The following ATP8A1 variants were observed in gnomAD, a reference collection of about 807,000 sequenced individuals.
ATP8A1 encodes the protein ATPase phospholipid transporting 8A1.
In ATP8A1, 90 loss-of-function variants were observed where a neutral mutation model predicts 177.7. That is an observed-to-expected ratio of 0.51 (90% confidence interval 0.43 to 0.60). ATP8A1 has a LOEUF of 0.60. Among genes scored for constraint, ATP8A1 ranks in the 20% least tolerant of loss-of-function variants. ATP8A1 has a pLI of 0.00. For synonymous variants in ATP8A1, 493 were observed against 485.9 expected (o/e 1.01, Z -0.19); for missense variants, 1,072 against 1,392.8 (o/e 0.77, Z 3.67).
At chr4:42,591,167 C>A (rs1190757393) in intron 6 of ATP8A1, among the ~76,000 whole-genome samples, 1 of 151,898 alleles carries the variant, frequency 6.6e-6, no homozygotes, top group Non-Finnish European at 1.5e-5. Flanking sequence ...ATAAGCTTAT[C>A]AAATTAAAGC....
intron 24 of ATP8A1, among the ~76,000 whole-genome samples, chr4:42,487,131 T>C (rs766594905): frequency 1.3e-5 from 2 of 152,208 alleles, no homozygotes; most frequent in East Asian, 1.9e-4. Context: ...TTTCATGATG[T>C]TGTATTTAGT....
At chr4:42,628,574 G>A (rs1354525315) in intron 1 of ATP8A1, among the ~76,000 whole-genome samples, 1 of 152,172 alleles carries the variant, frequency 6.6e-6, no homozygotes, top group East Asian at 1.9e-4. Flanking sequence ...ATGGCTCCGA[G>A]TAGATTCTGT....
At chr4:42,530,762 G>C (rs558599905) in intron 20 of ATP8A1, among the ~76,000 whole-genome samples, 1 of 152,212 alleles carries the variant, frequency 6.6e-6, no homozygotes. Flanking sequence ...CCAGAAGGCC[G>C]TGTATGCTCT....
At chr4:42,536,059 G>A (rs920627536) in intron 20 of ATP8A1, among the ~76,000 whole-genome samples, 1 of 152,070 alleles carries the variant, frequency 6.6e-6, no homozygotes, top group African/African-American at 2.4e-5. Context: ...GGAACTAGGG[G>A]AACAAGAGCA....
rs1272001171 is a variant in ATP8A1 at position 42,526,940 on chromosome 4, T to C, written c.1723-2093A>G. On this transcript the variant is annotated intron_variant, in intron 20 of 36. Transcript: ENST00000381668. ...GTCCTTGGCATAAACTGGAGAGTTA[T>C]GTAAAATAAATGCATTTGACATTCC... is the stretch of plus-strand genomic sequence containing the variant. Among the ~76,000 whole-genome samples, 6 of 152,210 alleles carry C rather than the reference T, an allele frequency of 3.9e-5. 1 individual carries two copies. In the South Asian group the frequency reaches 1.2e-3, roughly 31 times the overall value.
chr4:42,476,305 A>G (rs551460049), intron 25 of ATP8A1, among the ~76,000 whole-genome samples: 1 of 152,246 alleles, frequency 6.6e-6, no homozygotes, highest in East Asian at 1.9e-4. Flanking sequence ...ACATGAAAAA[A>G]CTAAAGCTGT....
At chr4:42,482,341 A>C (rs1276360975) in intron 25 of ATP8A1, among the ~76,000 whole-genome samples, 15 of 152,024 alleles carry the variant, frequency 9.9e-5, no homozygotes, top group Non-Finnish European at 1.8e-4. Flanking sequence ...AAACAAAAAA[A>C]AAAAAGAAAA....
At chr4:42,439,724 G>A (rs1191738635) in intron 33 of ATP8A1, among the ~76,000 whole-genome samples, 1 of 152,216 alleles carries the variant, frequency 6.6e-6, no homozygotes, top group Non-Finnish European at 1.5e-5. Flanking sequence ...GGAGGAGGTA[G>A]TGCTGCCAGT....
intron 5 of ATP8A1, among the ~76,000 whole-genome samples, chr4:42,612,408 T>C (rs950026769): frequency 6.8e-6 from 1 of 146,744 alleles, no homozygotes; most frequent in African/African-American, 2.5e-5. Context: ...CTTCCCTCTG[T>C]AGTGTTCCTA....
intron 30 of ATP8A1, among the ~76,000 whole-genome samples, chr4:42,451,165 T>G (rs1246566776): frequency 2.0e-5 from 3 of 152,162 alleles, no homozygotes; most frequent in African/African-American, 7.2e-5. Context: ...TCTGGCTACC[T>G]ATGGAGAGGA....
At chr4:42,516,907 G>A (rs1725597406) in intron 22 of ATP8A1, among the ~76,000 whole-genome samples, 1 of 152,144 alleles carries the variant, frequency 6.6e-6, no homozygotes, top group African/African-American at 2.4e-5. Flanking sequence ...CAGATCAAAG[G>A]TGAGAAATTT....
intron 1 of ATP8A1, among the ~76,000 whole-genome samples, chr4:42,636,156 A>ACACACACACACACGCGCGCGCGTGCGCG (rs565139270): frequency 2.2e-5 from 2 of 90,898 alleles, no homozygotes; most frequent in African/African-American, 6.6e-5. Context: ...ACACACACAC[A>ACACACACACACACGCGCGCGCGTGCGCG]CGCACACACA....
chr4:42,597,598 G>A (rs1265056964), intron 6 of ATP8A1, among the ~76,000 whole-genome samples: 3 of 152,090 alleles, frequency 2.0e-5, no homozygotes, highest in Admixed American at 6.5e-5. Context: ...CACAAAATAT[G>A]AGTATAAAAT....
chr4:42,531,386 C>T (rs745401446), intron 20 of ATP8A1, among the ~76,000 whole-genome samples: 4 of 152,164 alleles, frequency 2.6e-5, no homozygotes, highest in South Asian at 2.1e-4. Flanking sequence ...ATACCAGTTA[C>T]GACTACATGA....
chr4:42,570,410 C>G (rs1234252793), intron 14 of ATP8A1, among the ~76,000 whole-genome samples: 1 of 152,234 alleles, frequency 6.6e-6, no homozygotes, highest in Non-Finnish European at 1.5e-5. Context: ...CACTTCAGAT[C>G]AGCCTCAAGG....
intron 29 of ATP8A1, among the ~76,000 whole-genome samples, 198 bp from the exon 30 acceptor site, chr4:42,452,257 G>GT (rs986180331): frequency 1.3e-5 from 2 of 151,884 alleles, no homozygotes; most frequent in African/African-American, 4.8e-5. Flanking sequence ...TTCTCAAAAT[G>GT]TTTTTTCAGC....
chr4:42,494,311 A>G (rs941843496), intron 24 of ATP8A1, among the ~76,000 whole-genome samples: 15 of 152,116 alleles, frequency 9.9e-5, no homozygotes, highest in African/African-American at 3.6e-4. Context: ...TGTCTGTACT[A>G]AAAATACAAA....
At position 42,574,698 on chromosome 4, in the gene ATP8A1, T is replaced by G. The variant is rs764017338; in HGVS notation, c.1216A>C (p.Ile406Leu). ...AGAGTACCAGTTTTGTCAGAAAATA[T>G]GTATTTAACCTAAAAAAGTTTAAAA... Reference protein sequence around the residue: ...LNEELGQVKYIFSDKTGTLTC... With the variant: ...LNEELGQVKYLFSDKTGTLTC... Residue 406 changes from isoleucine (I) to leucine (L), a missense_variant, in exon 14 of 37, where the codon ATA (isoleucine) becomes CTA (leucine). Coordinates refer to ENST00000381668, the MANE Select transcript of ATP8A1 (RefSeq NM_006095.2). The G allele has an allele frequency of 1.2e-6, 2 of 1,604,314 alleles. No individual in the cohort carries two copies. Among genetic ancestry groups the G allele is most frequent in the African/African-American group, 2.7e-5 (2 of 74,312 alleles).
chr4:42,475,232 C>T (rs1026902697), intron 25 of ATP8A1, among the ~76,000 whole-genome samples: 10 of 152,126 alleles, frequency 6.6e-5, no homozygotes. Flanking sequence ...GTGGTGCCAA[C>T]ATGGCTCATT....
Sources: allele counts gnomAD v4.1 joint callset (sites outside exome capture counted in the v4.1 genomes callset), GRCh38; gene constraint gnomAD v4.1.1; transcripts MANE v1.5; gene names NCBI Gene and HGNC (gene_info 2026-07-23, HGNC 2026-07-21).